The following ACTR3B variants were observed in gnomAD, a reference collection of about 807,000 sequenced individuals.
ACTR3B encodes the protein actin related protein 3B.
Under a neutral mutation model 59.0 loss-of-function variants are expected in ACTR3B, and 8 were observed. That is an observed-to-expected ratio of 0.14 (90% CI 0.08 to 0.24). The LOEUF is 0.24. ACTR3B is among the 10% of genes least tolerant of loss of function. The probability of loss-of-function intolerance (pLI) is 1.00; values close to 1 mark genes in which losing one functional copy is unlikely to be tolerated. For missense variants in ACTR3B, 245 were observed against 552.3 expected, an observed-to-expected ratio of 0.44 and a Z score of 5.58; for synonymous variants, 148 against 197.9, an observed-to-expected ratio of 0.75 and a Z score of 2.12.
chr7:152,783,661 T>G (rs1433886458), intron 2 of ACTR3B, among the ~76,000 whole-genome samples: 1 of 152,118 alleles, frequency 6.6e-6, no homozygotes, highest in Non-Finnish European at 1.5e-5. Context: ...TTTTATTGTG[T>G]TTAGTAGTAT....
At chr7:152,823,952 T>C (rs1328308876) in intron 8 of ACTR3B, among the ~76,000 whole-genome samples, 6 of 152,202 alleles carry the variant, frequency 3.9e-5, no homozygotes, top group Non-Finnish European at 1.5e-5. Context: ...CCTGCTCTAT[T>C]CCCTGCTGCA....
chr7:152,822,723 T>C (rs903483085), intron 7 of ACTR3B, among the ~76,000 whole-genome samples: 20 of 152,336 alleles, frequency 1.3e-4, no homozygotes, highest in African/African-American at 4.8e-4. Flanking sequence ...TCTGTGTTGA[T>C]TGAGGGACTT....
chr7:152,773,765 A>T (rs1165115963), intron 1 of ACTR3B, among the ~76,000 whole-genome samples: 1 of 152,214 alleles, frequency 6.6e-6, no homozygotes, highest in Non-Finnish European at 1.5e-5. Context: ...CTGCCAGTTA[A>T]CTGTGGGTGC....
At chr7:152,816,358 GA>G (rs1242040377) in intron 5 of ACTR3B, 122 bp from the exon 6 acceptor site, 5 of 805,702 alleles carry the variant, frequency 6.2e-6, no homozygotes, top group Non-Finnish European at 9.3e-6. Flanking sequence ...GGATGGATAG[GA>G]AAAGGAAAGA....
chr7:152,835,620 C>A (rs1330888154), intron 9 of ACTR3B, among the ~76,000 whole-genome samples: 1 of 152,174 alleles, frequency 6.6e-6, no homozygotes, highest in African/African-American at 2.4e-5. Context: ...GCCGTTTCCT[C>A]AAACCTTCAG....
At chr7:152,774,028 A>G (rs1403741327) in intron 1 of ACTR3B, among the ~76,000 whole-genome samples, 4 of 152,142 alleles carry the variant, frequency 2.6e-5, no homozygotes, top group Non-Finnish European at 4.4e-5. Context: ...TCTTTCTTAT[A>G]TCTCTAAAGT....
intron 4 of ACTR3B, among the ~76,000 whole-genome samples, chr7:152,806,782 C>G (rs1397306264): frequency 6.6e-6 from 1 of 152,222 alleles, no homozygotes; most frequent in African/African-American, 2.4e-5. Context: ...TCCCTGTCCA[C>G]AAGGAAGTCT....
intron 1 of ACTR3B, among the ~76,000 whole-genome samples, chr7:152,771,912 A>G (rs557003629): frequency 6.6e-6 from 1 of 152,142 alleles, no homozygotes; most frequent in Admixed American, 6.5e-5. Context: ...CTAAAAATAC[A>G]AAATTAGCCA....
chr7:152,813,020 CCT>C (rs1491073161), intron 4 of ACTR3B: 2 of 91,974 alleles, frequency 2.2e-5, no homozygotes, highest in Non-Finnish European at 4.5e-5. Context: ...ATGCCTTTCC[CCT>C]GTGTGAGCGT....
chr7:152,827,423 A>G (rs940187545), intron 9 of ACTR3B, among the ~76,000 whole-genome samples: 3 of 152,088 alleles, frequency 2.0e-5, no homozygotes, highest in East Asian at 1.9e-4. Flanking sequence ...GCTGAACTCT[A>G]TACCCCGTTG....
intron 9 of ACTR3B, among the ~76,000 whole-genome samples, chr7:152,832,749 A>G (rs1276365686): frequency 2.0e-5 from 3 of 152,188 alleles, no homozygotes; most frequent in African/African-American, 7.2e-5. Flanking sequence ...GAAGCCTGGC[A>G]GGCTGGAAAC....
chr7:152,837,685 C>G (rs1797576299), intron 9 of ACTR3B, among the ~76,000 whole-genome samples: 1 of 152,236 alleles, frequency 6.6e-6, no homozygotes, highest in Non-Finnish European at 1.5e-5. Flanking sequence ...GAGGCAGACT[C>G]TCAACCATGT....
chr7:152,833,457 G>C (rs1251322027), intron 9 of ACTR3B, among the ~76,000 whole-genome samples: 2 of 152,154 alleles, frequency 1.3e-5, no homozygotes, highest in East Asian at 3.9e-4. Context: ...AAGAGCAGGG[G>C]CTTCTAATAG....
chr7:152,762,070 A>G (rs2098091104), intron 1 of ACTR3B, among the ~76,000 whole-genome samples: 1 of 152,210 alleles, frequency 6.6e-6, no homozygotes, highest in Admixed American at 6.5e-5. Flanking sequence ...AGCTATACAT[A>G]GTGGGCACTA....
chr7:152,770,645 A>G (rs530687536), intron 1 of ACTR3B, among the ~76,000 whole-genome samples: 4 of 152,066 alleles, frequency 2.6e-5, no homozygotes, highest in East Asian at 3.9e-4. Context: ...CGCCCAGAAC[A>G]AAGGATTTAG....
At chr7:152,842,623 CCCTT>C (rs1463577121) in intron 9 of ACTR3B, among the ~76,000 whole-genome samples, 2 of 152,192 alleles carry the variant, frequency 1.3e-5, no homozygotes, top group Non-Finnish European at 2.9e-5. Flanking sequence ...TGTCATTTGA[CCCTT>C]CTTTCTGCTG....
chr7:152,778,215 G>A (rs1234943500), intron 1 of ACTR3B, among the ~76,000 whole-genome samples: 1 of 143,056 alleles, frequency 7.0e-6, no homozygotes, highest in Non-Finnish European at 1.5e-5. Flanking sequence ...TACTTTCCTG[G>A]ATTGAGCCTA....
chr7:152,842,262 A>G (rs1797924802), intron 9 of ACTR3B, among the ~76,000 whole-genome samples: 1 of 152,228 alleles, frequency 6.6e-6, no homozygotes, highest in Non-Finnish European at 1.5e-5. Flanking sequence ...GACTAGCAGC[A>G]ATAACTAATA....
intron 9 of ACTR3B, among the ~76,000 whole-genome samples, chr7:152,837,524 CA>C (rs1317374371): frequency 2.0e-5 from 3 of 152,240 alleles, no homozygotes; most frequent in African/African-American, 7.2e-5. Context: ...TACTTTGATG[CA>C]AGCAAGCTAG....
Sources: gnomAD v4.1 joint callset for allele counts (sites outside exome capture counted in the v4.1 genomes callset) on GRCh38, gnomAD v4.1.1 for gene constraint, MANE v1.5 for transcripts, NCBI Gene and HGNC (gene_info 2026-07-23, HGNC 2026-07-21) for gene names.